Variants in RBFOX1 observed in about 807,000 individuals in gnomAD.
RBFOX1 encodes RNA binding protein fox-1 homolog 1.
Under a neutral mutation model 57.7 loss-of-function variants are expected in RBFOX1, and 8 were observed. The observed-to-expected ratio is 0.14, with a 90% CI of 0.08 to 0.25. The LOEUF (loss-of-function observed/expected upper bound fraction) is 0.25. RBFOX1 is among the 10% of genes least tolerant of loss of function. The pLI, the probability that RBFOX1 is intolerant of heterozygous loss-of-function variation, is 1.00. For synonymous variants in RBFOX1, 326 were observed against 222.4 expected (o/e 1.47, Z -4.15); for missense variants, 611 against 548.5 (o/e 1.11, Z -1.14).
At chr16:6,803,679 T>A (rs757313686) in intron 3 of RBFOX1, among the ~76,000 whole-genome samples, 1 of 152,190 alleles carries the variant, frequency 6.6e-6, no homozygotes, top group African/African-American at 2.4e-5. Flanking sequence ...TGAACAAATA[T>A]GCAGATATTT....
In RBFOX1 at chr16:6,892,775, C is replaced by CTCTCTCTCTCT. The variant is rs1567747539; in HGVS notation, c.-15-159282_-15-159281insTCTCTCTCTCT. Among the ~76,000 whole-genome samples the CTCTCTCTCTCT allele has an allele frequency of 4.7e-4, 40 of 84,692 alleles. 3 individuals carry two copies. The highest frequency in any genetic ancestry group is 1.5e-3 in the East Asian group (4 of 2,746). 55.6% of individuals were successfully genotyped at this position (84,692 alleles called of 152,430 possible). ...CATATTCTCAAAGCCTCCCTGTCTC[C>CTCTCTCTCTCT]CTCTCTCTCTCTCTCTCTCTCTCTC... is the stretch of plus-strand genomic sequence containing the variant. On this transcript the variant is annotated intron_variant, in intron 3 of 15. Transcript: ENST00000550418.
At chr16:5,913,273 T>A (rs906930638) in intron 4 of RBFOX1, among the ~76,000 whole-genome samples, 1 of 152,218 alleles carries the variant, frequency 6.6e-6, no homozygotes, top group Non-Finnish European at 1.5e-5. Flanking sequence ...CCCTACCATG[T>A]ATGGGTTGTT....
intron 2 of RBFOX1, among the ~76,000 whole-genome samples, chr16:6,585,756 T>G (rs1487768963): frequency 6.7e-6 from 1 of 150,272 alleles, no homozygotes; most frequent in Non-Finnish European, 1.5e-5. Flanking sequence ...CCTTTGCTGG[T>G]CATCACAGCA....
At chr16:6,895,630 A>G (rs2066704312) in intron 3 of RBFOX1, among the ~76,000 whole-genome samples, 2 of 151,790 alleles carry the variant, frequency 1.3e-5, no homozygotes, top group African/African-American at 2.4e-5. Flanking sequence ...ATGGAGAGTC[A>G]TAGATCCTTG....
At chr16:6,010,909 A>T (rs1264125595) in intron 4 of RBFOX1, among the ~76,000 whole-genome samples, 1 of 152,184 alleles carries the variant, frequency 6.6e-6, no homozygotes, top group Admixed American at 6.5e-5. Context: ...AGAAATAATA[A>T]ATGTACAAGT....
intron 4 of RBFOX1, among the ~76,000 whole-genome samples, chr16:7,302,150 C>A (rs2096050929): frequency 6.6e-6 from 1 of 152,186 alleles, no homozygotes; most frequent in East Asian, 1.9e-4. Flanking sequence ...GCTACTGTGT[C>A]CCTGATAAAT....
chr16:5,965,167 T>C (rs1425909025), intron 4 of RBFOX1, among the ~76,000 whole-genome samples: 1 of 152,168 alleles, frequency 6.6e-6, no homozygotes, highest in Non-Finnish European at 1.5e-5. Context: ...AGCCACTCTG[T>C]TTATACCACA....
intron 1 of RBFOX1, among the ~76,000 whole-genome samples, chr16:6,127,510 G>A (rs190552283): frequency 6.6e-6 from 1 of 152,272 alleles, no homozygotes; most frequent in African/African-American, 2.4e-5. Context: ...ACGTAGCTTT[G>A]AATTCCGAAA....
At chr16:7,708,821 CGT>C (rs1491409567) in intron 14 of RBFOX1, among the ~76,000 whole-genome samples, 3 of 7,210 alleles carry the variant, frequency 4.2e-4, no homozygotes, top group African/African-American at 4.9e-4. Context: ...TATGTAAGTA[CGT>C]GTGTATATAT....
chr16:5,420,585 T>A lies in RBFOX1; in HGVS notation c.220-46631T>A, dbSNP rs117499866. On this transcript the variant is annotated intron_variant, in intron 1 of 2. Transcript: ENST00000585867. ...GTGCAGTGGTGCAATCATGGCCCAC[T>A]GCAATCTTGACCTCCCCAGGCTCCA... Among the ~76,000 whole-genome samples, 53 of 152,198 alleles carry A rather than the reference T, an allele frequency of 3.5e-4. No homozygotes were observed. In the East Asian group the frequency reaches 9.3e-3, roughly 27 times the overall value.
At chr16:5,982,330 G>A (rs1254962282) in intron 4 of RBFOX1, among the ~76,000 whole-genome samples, 1 of 151,982 alleles carries the variant, frequency 6.6e-6, no homozygotes, top group African/African-American at 2.4e-5. Flanking sequence ...CTGGAGTGCA[G>A]TGGTTTGATC....
chr16:7,245,284 T>C (rs1277422935), intron 4 of RBFOX1, among the ~76,000 whole-genome samples: 5 of 152,240 alleles, frequency 3.3e-5, no homozygotes, highest in Admixed American at 3.3e-4. Context: ...TTGAAGATGT[T>C]ATTTCATTAT....
Position 6,380,694 on chromosome 16 carries a change from G to T in RBFOX1, c.-64+63637G>T, listed in dbSNP as rs2795560. 4.9e-3 allele frequency among the ~76,000 whole-genome samples: 740 copies of T among 151,094 alleles called. 12 individuals are homozygous for T. Among genetic ancestry groups the T allele is most frequent in the African/African-American group, 0.017 (684 of 41,320 alleles). On this transcript the variant is annotated intron_variant, in intron 2 of 15. Transcript: ENST00000550418. Reference sequence around the variant, plus strand: ...TGTCCTTGAACAAATCTCTTTGGGGGCATACAAAACCATTTCTGTAAAACA... The same window carrying T: ...TGTCCTTGAACAAATCTCTTTGGGGTCATACAAAACCATTTCTGTAAAACA...
chr16:7,374,314 G>C (rs1376074722), intron 4 of RBFOX1, among the ~76,000 whole-genome samples: 7 of 152,126 alleles, frequency 4.6e-5, no homozygotes, highest in Non-Finnish European at 8.8e-5. Flanking sequence ...TCCTTCTTAA[G>C]GTGTTTGGCA....
At chr16:7,483,266 C>T (rs17143801) in intron 4 of RBFOX1, among the ~76,000 whole-genome samples, 3,848 of 152,264 alleles carry the variant, frequency 0.025, 139 homozygotes, top group East Asian at 0.13. Context: ...TAAAGTAAAT[C>T]GTTGCAATAC....
At chr16:6,743,600 G>T (rs150994833) in intron 3 of RBFOX1, among the ~76,000 whole-genome samples, 1 of 151,566 alleles carries the variant, frequency 6.6e-6, no homozygotes, top group African/African-American at 2.4e-5. Context: ...AAATTGAAGT[G>T]AGCATGGTGG....
chr16:6,564,431 G>T (rs2097227463), intron 2 of RBFOX1, among the ~76,000 whole-genome samples: 1 of 151,998 alleles, frequency 6.6e-6, no homozygotes, highest in African/African-American at 2.4e-5. Flanking sequence ...CTACACTCCA[G>T]CCTGGGCAAC....
intron 4 of RBFOX1, among the ~76,000 whole-genome samples, chr16:7,413,221 A>G (rs543074178): frequency 9.9e-5 from 15 of 152,192 alleles, no homozygotes; most frequent in Non-Finnish European, 1.9e-4. Context: ...ACACCTTGAC[A>G]TCACTACCCA....
intron 3 of RBFOX1, among the ~76,000 whole-genome samples, chr16:6,984,543 C>T (rs2089786059): frequency 6.6e-6 from 1 of 152,132 alleles, no homozygotes; most frequent in Admixed American, 6.6e-5. Context: ...TAGAATGGTG[C>T]AGCAGCCCAT....
Sources: allele counts gnomAD v4.1 joint callset (sites outside exome capture counted in the v4.1 genomes callset), GRCh38; gene constraint gnomAD v4.1.1; transcripts MANE v1.5; gene names NCBI Gene and HGNC (gene_info 2026-07-23, HGNC 2026-07-21).